The following RFX3 variants were observed in gnomAD, a reference collection of about 807,000 sequenced individuals.
The protein encoded by RFX3 is transcription factor RFX3.
A neutral mutation model predicts 98.6 loss-of-function variants in RFX3; 14 were observed. That is an observed-to-expected ratio of 0.14 (90% CI 0.09 to 0.22). The LOEUF (loss-of-function observed/expected upper bound fraction) is 0.22, where lower values mean the gene tolerates loss of function less well. RFX3 is among the 10% of genes least tolerant of loss of function. The pLI, the probability that RFX3 is intolerant of heterozygous loss-of-function variation, is 1.00. For synonymous variants in RFX3, 383 were observed against 328.4 expected (o/e 1.17, Z -1.80); for missense variants, 639 against 926.9 (o/e 0.69, Z 4.03).
chr9:3,344,953 A>C lies in RFX3; in HGVS notation c.215+1714T>G, dbSNP rs7850705. The stretch of plus-strand genomic sequence containing the variant: ...ATATGTAAAGAGGTATAGATTTAAT[A>C]CGGTAACAGAAATTTACTGACTTTA... On this transcript the variant is annotated intron_variant, in intron 3 of 16. Coordinates refer to ENST00000617270, the MANE Select transcript of RFX3 (RefSeq NM_001282116.2). 4,290 of 644,930 alleles carry C rather than the reference A, an allele frequency of 6.7e-3. 143 individuals carry two copies. The African/African-American group carries it at 0.071, about 11-fold the overall frequency. 40.0% of individuals were successfully genotyped at this position (644,930 alleles called of 1,614,324 possible). A position where few individuals can be genotyped will look rare whatever the true frequency, so the allele number is the denominator to read the frequency against.
intron 4 of RFX3, among the ~76,000 whole-genome samples, chr9:3,320,543 C>G (rs1380370513): frequency 8.6e-6 from 1 of 115,864 alleles, no homozygotes; most frequent in Non-Finnish European, 1.8e-5. Flanking sequence ...CACAGCAAGA[C>G]TGTCCCACCC....
chr9:3,289,177 A>G (rs1029099661), intron 6 of RFX3, among the ~76,000 whole-genome samples: 1 of 152,138 alleles, frequency 6.6e-6, no homozygotes, highest in South Asian at 2.1e-4. Flanking sequence ...TCCATTTACA[A>G]AAAGAAATGC....
At chr9:3,413,109 T>C (rs1056598961) in intron 1 of RFX3, among the ~76,000 whole-genome samples, 1 of 151,372 alleles carries the variant, frequency 6.6e-6, no homozygotes, top group African/African-American at 2.4e-5. Context: ...AAAATTGTCA[T>C]TTTATAGCAA....
intron 15 of RFX3, among the ~76,000 whole-genome samples, chr9:3,240,588 A>G (rs1232510155): frequency 6.6e-6 from 1 of 152,196 alleles, no homozygotes. Context: ...AAGTGCTTGT[A>G]TTATCATCAC....
At chr9:3,470,572 C>T (rs1037660018) in intron 1 of RFX3, among the ~76,000 whole-genome samples, 1 of 152,030 alleles carries the variant, frequency 6.6e-6, no homozygotes, top group Non-Finnish European at 1.5e-5. Flanking sequence ...CGTGATCCGC[C>T]CGCCTCGGCC....
chr9:3,396,318 G>C (rs1373136700), intron 1 of RFX3, among the ~76,000 whole-genome samples: 1 of 151,956 alleles, frequency 6.6e-6, no homozygotes, highest in East Asian at 1.9e-4. Flanking sequence ...GCAATAGTTT[G>C]CTGAGAATGA....
rs1197434065 is a variant in RFX3 at position 3,330,332 on chromosome 9, G to C, written c.401C>G (p.Thr134Ser). 2.0e-5 allele frequency: 32 copies of C among 1,614,122 alleles called. No homozygotes were observed. Among genetic ancestry groups the C allele is most frequent in the Non-Finnish European group, 2.7e-5 (32 of 1,180,018 alleles). Reference sequence around the variant, plus strand: ...CTCCATTGAGTTGCCGATCAGATAGGTTCCTCCAGAGCTGCTGATGAGTTG... The same window carrying C: ...CTCCATTGAGTTGCCGATCAGATAGCTTCCTCCAGAGCTGCTGATGAGTTG... ...GGQLISSSGG[T>S]YLIGNSMENS... Residue 134 changes from threonine to serine, a missense_variant, in exon 4 of 17, where the codon ACC becomes AGC. Coordinates refer to ENST00000617270, the MANE Select transcript of RFX3 (RefSeq NM_001282116.2).
At chr9:3,396,874 T>G (rs1587503209) in intron 1 of RFX3, among the ~76,000 whole-genome samples, 1 of 152,164 alleles carries the variant, frequency 6.6e-6, no homozygotes, top group East Asian at 1.9e-4. Context: ...CTTTAAAACT[T>G]ACTATTTGGT....
chr9:3,249,306 G>C (rs2130980768), intron 14 of RFX3, among the ~76,000 whole-genome samples: 1 of 152,220 alleles, frequency 6.6e-6, no homozygotes. Context: ...CTTGGCAAGT[G>C]ACAGATCATC....
chr9:3,449,463 T>C (rs557156756), intron 1 of RFX3, among the ~76,000 whole-genome samples: 1 of 152,214 alleles, frequency 6.6e-6, no homozygotes, highest in Non-Finnish European at 1.5e-5. Context: ...CTTTTCCTCA[T>C]TGGTGCTGTG....
chr9:3,333,507 T>C (rs1670289126), intron 3 of RFX3, among the ~76,000 whole-genome samples: 1 of 151,670 alleles, frequency 6.6e-6, no homozygotes, highest in South Asian at 2.1e-4. Context: ...ATCACTGCTA[T>C]ATTTCCCAAC....
At chr9:3,424,450 C>G (rs1011704323) in intron 1 of RFX3, among the ~76,000 whole-genome samples, 1 of 149,068 alleles carries the variant, frequency 6.7e-6, no homozygotes, top group African/African-American at 2.5e-5. Flanking sequence ...CAAGCTCCGC[C>G]TCCCGGGTTC....
At chr9:3,244,433 T>G (rs1451654002) in intron 15 of RFX3, among the ~76,000 whole-genome samples, 3 of 152,212 alleles carry the variant, frequency 2.0e-5, no homozygotes, top group South Asian at 4.1e-4. Flanking sequence ...AGGTGTTAGC[T>G]TCACTTGAAA....
intron 2 of RFX3, among the ~76,000 whole-genome samples, chr9:3,369,216 C>G (rs1242672227): frequency 6.6e-6 from 1 of 152,222 alleles, no homozygotes; most frequent in Non-Finnish European, 1.5e-5. Flanking sequence ...TTCTCACAGT[C>G]TGGATGCTGG....
chr9:3,345,496 C>T (rs2991320), intron 3 of RFX3, among the ~76,000 whole-genome samples: 48,940 of 151,856 alleles, frequency 0.32, 11,638 homozygotes, highest in African/African-American at 0.68. Context: ...AAGAAAGAAG[C>T]CAGAGTCAAT....
At chr9:3,346,551 T>C (rs1834460249) in intron 3 of RFX3, 116 bp downstream of exon 3, 4 of 688,290 alleles carry the variant, frequency 5.8e-6, no homozygotes, top group South Asian at 3.3e-5. Context: ...ATAACTGTTC[T>C]AGTAGAAAAT....
intron 3 of RFX3, among the ~76,000 whole-genome samples, chr9:3,340,841 T>C (rs957287569): frequency 6.6e-6 from 1 of 152,226 alleles, no homozygotes; most frequent in Non-Finnish European, 1.5e-5. Flanking sequence ...TGGAAGTCAG[T>C]GTGGCGATTC....
chr9:3,262,269 T>C (rs74550735), intron 13 of RFX3, among the ~76,000 whole-genome samples: 2 of 152,334 alleles, frequency 1.3e-5, no homozygotes, highest in East Asian at 1.9e-4. Context: ...TTTATTGATA[T>C]TGAAACTCTA....
At chr9:3,264,619 GA>G (rs1404120505) in intron 12 of RFX3, among the ~76,000 whole-genome samples, 1 of 152,162 alleles carries the variant, frequency 6.6e-6, no homozygotes. Context: ...CACATATTAT[GA>G]TTTAAAGAAG....
Sources: allele counts gnomAD v4.1 joint callset (sites outside exome capture counted in the v4.1 genomes callset), GRCh38; gene constraint gnomAD v4.1.1; transcripts MANE v1.5; gene names NCBI Gene and HGNC (gene_info 2026-07-23, HGNC 2026-07-21).